Variants in THSD7B observed in about 807,000 individuals in gnomAD.
THSD7B encodes the protein thrombospondin type 1 domain containing 7B.
A neutral mutation model predicts 213.6 loss-of-function variants in THSD7B; 138 were observed. That is an observed-to-expected ratio of 0.65 (90% CI 0.56 to 0.74). The LOEUF is 0.74. Ranked by LOEUF, THSD7B falls within the 30% of genes least tolerant of loss-of-function variation. The pLI, the probability that THSD7B is intolerant of heterozygous loss-of-function variation, is 0.00. For synonymous variants in THSD7B, 742 were observed against 687.0 expected (o/e 1.08, Z -1.25); for missense variants, 1,931 against 1,991.5 (o/e 0.97, Z 0.58).
At chr2:137,541,127 C>G (rs1378712169) in intron 15 of THSD7B, among the ~76,000 whole-genome samples, 1 of 151,702 alleles carries the variant, frequency 6.6e-6, no homozygotes, top group African/African-American at 2.4e-5. Flanking sequence ...ACAGAGACAT[C>G]ATTATACATG....
At chr2:136,921,034 G>A (rs1418546028) in intron 2 of THSD7B, among the ~76,000 whole-genome samples, 2 of 151,968 alleles carry the variant, frequency 1.3e-5, no homozygotes, top group South Asian at 4.2e-4. Flanking sequence ...AGCTGAACTC[G>A]GCATCAGCAC....
intron 2 of THSD7B, among the ~76,000 whole-genome samples, chr2:136,886,627 A>T (rs1410866959): frequency 6.6e-6 from 1 of 152,202 alleles, no homozygotes; most frequent in African/African-American, 2.4e-5. Flanking sequence ...AGTCTTCTAC[A>T]ATAAAGAATT....
intron 8 of THSD7B, 23 bp from the exon 9 acceptor site, chr2:137,232,876 C>T (rs1373086345): frequency 1.2e-6 from 2 of 1,608,078 alleles, no homozygotes. Flanking sequence ...CTATGTATTA[C>T]CTTTTGTTCT....
At chr2:136,988,289 G>A (rs1685703217) in intron 2 of THSD7B, among the ~76,000 whole-genome samples, 1 of 152,178 alleles carries the variant, frequency 6.6e-6, no homozygotes, top group African/African-American at 2.4e-5. Flanking sequence ...CAGAAGTGGA[G>A]CAGGGATGCT....
intron 2 of THSD7B, among the ~76,000 whole-genome samples, chr2:137,010,781 G>A (rs996021112): frequency 6.6e-6 from 1 of 152,180 alleles, no homozygotes; most frequent in Non-Finnish European, 1.5e-5. Context: ...ATGAGACAAA[G>A]TTCCTGCCCT....
intron 4 of THSD7B, among the ~76,000 whole-genome samples, chr2:137,110,483 C>A (rs562605884): frequency 6.6e-6 from 1 of 152,058 alleles, no homozygotes; most frequent in African/African-American, 2.4e-5. Flanking sequence ...ATTAGCATTC[C>A]CTTTCTCAGA....
chr2:136,912,969 AACAG>A (rs1332313843), intron 2 of THSD7B, among the ~76,000 whole-genome samples: 6 of 152,358 alleles, frequency 3.9e-5, no homozygotes, highest in African/African-American at 7.2e-5. Context: ...GGAACTGAGT[AACAG>A]ACAGAGATTG....
chr2:137,426,542 G>C (rs1002141446), intron 14 of THSD7B, among the ~76,000 whole-genome samples: 8 of 152,068 alleles, frequency 5.3e-5, no homozygotes, highest in African/African-American at 1.7e-4. Flanking sequence ...AGTAATCTTT[G>C]ACAAAGTTAC....
Position 137,656,830 on chromosome 2 carries a change from C to T in THSD7B, c.4140C>T (p.Ser1380=). 1 of 1,614,002 alleles carries T rather than the reference C, an allele frequency of 6.2e-7. No individual in the cohort carries two copies. The highest frequency in any genetic ancestry group is 1.1e-5 in the South Asian group (1 of 91,078). ...ATTTAACAGAATGGTCAGAGTGGAGCACATGTGAATTAACCTGCATTGATG... is the reference window on the plus strand; with the variant it reads ...ATTTAACAGAATGGTCAGAGTGGAGTACATGTGAATTAACCTGCATTGATG... ...DCHLTEWSEW[S]TCELTCIDGR... Residue 1380 remains serine, a synonymous_variant, in exon 23 of 28, where the codon AGC becomes AGT. Coordinates refer to ENST00000409968, the MANE Select transcript of THSD7B (RefSeq NM_001316349.2).
At chr2:137,015,950 A>G (rs964812799) in intron 2 of THSD7B, among the ~76,000 whole-genome samples, 2 of 152,156 alleles carry the variant, frequency 1.3e-5, no homozygotes, top group African/African-American at 4.8e-5. Context: ...AAATGGAAAT[A>G]CTTGTGCTCT....
At chr2:137,267,625 T>C (rs1682625074) in intron 10 of THSD7B, among the ~76,000 whole-genome samples, 1 of 152,038 alleles carries the variant, frequency 6.6e-6, no homozygotes, top group African/African-American at 2.4e-5. Context: ...CTAGTGATTT[T>C]TGGGAAATTA....
intron 12 of THSD7B, among the ~76,000 whole-genome samples, chr2:137,334,292 G>A (rs1684588567): frequency 6.6e-6 from 1 of 151,988 alleles, no homozygotes; most frequent in African/African-American, 2.4e-5. Context: ...GGCAAATTGT[G>A]TTCCACCATC....
intron 1 of THSD7B, among the ~76,000 whole-genome samples, chr2:136,822,278 A>T (rs1682576415): frequency 6.6e-6 from 1 of 152,202 alleles, no homozygotes; most frequent in African/African-American, 2.4e-5. Flanking sequence ...ACTTTAGATG[A>T]TTTAATTTCA....
intron 3 of THSD7B, among the ~76,000 whole-genome samples, chr2:137,085,622 G>T (rs1476604039): frequency 6.6e-6 from 1 of 151,882 alleles, no homozygotes; most frequent in Non-Finnish European, 1.5e-5. Flanking sequence ...AAAAATAAAA[G>T]AAAAAGTTAT....
At chr2:137,109,201 C>T (rs1688304512) in intron 4 of THSD7B, among the ~76,000 whole-genome samples, 1 of 152,152 alleles carries the variant, frequency 6.6e-6, no homozygotes, top group Admixed American at 6.5e-5. Flanking sequence ...CAGCCTATTA[C>T]TTCCCTCAGT....
At chr2:137,099,997 G>T (rs1249520091) in intron 4 of THSD7B, among the ~76,000 whole-genome samples, 9 of 151,898 alleles carry the variant, frequency 5.9e-5, no homozygotes. Context: ...GATCTATCTG[G>T]GCACCCTGCA....
At chr2:137,448,246 A>T (rs947874779) in intron 14 of THSD7B, among the ~76,000 whole-genome samples, 18 of 152,214 alleles carry the variant, frequency 1.2e-4, no homozygotes, top group African/African-American at 4.3e-4. Flanking sequence ...AAGGAAGACA[A>T]TTGGACCAAA....
At chr2:137,498,372 G>C (rs1679622057) in intron 15 of THSD7B, among the ~76,000 whole-genome samples, 1 of 150,332 alleles carries the variant, frequency 6.7e-6, no homozygotes, top group Admixed American at 6.6e-5. Context: ...ATATTATCAT[G>C]ATTTAGACAA....
intron 12 of THSD7B, among the ~76,000 whole-genome samples, chr2:137,315,344 C>G (rs1573956176): frequency 6.6e-6 from 1 of 152,192 alleles, no homozygotes; most frequent in Non-Finnish European, 1.5e-5. Context: ...CCAAGTGAGG[C>G]AATGCCTCGC....
Sources: gnomAD v4.1 joint callset for allele counts (sites outside exome capture counted in the v4.1 genomes callset) on GRCh38, gnomAD v4.1.1 for gene constraint, MANE v1.5 for transcripts, NCBI Gene and HGNC (gene_info 2026-07-23, HGNC 2026-07-21) for gene names.